SLC35A3: variants seen among roughly 807,000 people sequenced by gnomAD.
The protein encoded by SLC35A3 is solute carrier family 35 member A3.
SLC35A3 carries 26 observed loss-of-function variants against 39.0 expected under a neutral mutation model. That is an observed-to-expected ratio of 0.67 (90% CI 0.49 to 0.92). SLC35A3 has a LOEUF of 0.92. Among genes scored for constraint, SLC35A3 ranks in the 40% least tolerant of loss-of-function variants. The probability of loss-of-function intolerance (pLI) is 0.00; values close to 1 mark genes in which losing one functional copy is unlikely to be tolerated. For missense variants in SLC35A3, 299 were observed against 371.6 expected (o/e 0.80, Z 1.61); for synonymous variants, 135 against 133.1 (o/e 1.01, Z -0.10).
chr1:100,008,011 G>C (rs1322864831), intron 4 of SLC35A3: 1 of 150,438 alleles, frequency 6.6e-6, no homozygotes, highest in African/African-American at 2.5e-5. Context: ...GAAGGCAGTG[G>C]TACAATCTCA....
Position 100,035,199 on chromosome 1 carries a change from T to A in SLC35A3, c.*12723T>A, listed in dbSNP as rs1661432784. On this transcript the variant is annotated 3_prime_UTR_variant, in exon 8 of 8. Coordinates refer to ENST00000533028, the MANE Select transcript of SLC35A3 (RefSeq NM_012243.3). ...ATCCTCCCCATACATCATCTCTAGA[T>A]TATTTATAGTACTTAATACAATGTA... The A allele has an allele frequency of 6.6e-6, 1 of 152,194 alleles. No homozygotes were observed. The highest frequency in any genetic ancestry group is 1.5e-5 in the Non-Finnish European group (1 of 68,030). 9.4% of individuals were successfully genotyped at this position (152,194 alleles called of 1,614,324 possible).
Position 100,015,383 on chromosome 1 carries a change from G to T in SLC35A3, c.716G>T (p.Gly239Val). 1.9e-6 allele frequency: 3 copies of T among 1,612,948 alleles called. No homozygotes were observed. Among genetic ancestry groups the T allele is most frequent in the Non-Finnish European group, 2.5e-6 (3 of 1,179,612 alleles). The part of the protein sequence containing the change: ...ELVSKNGFFQ[G>V]YNRLTWIVVV... ...GTATCAAAGAATGGATTTTTTCAGG[G>T]ATATAACCGACTGACCTGGATAGTA... Residue 239 changes from glycine to valine, a missense_variant, in exon 6 of 8, where the codon GGA (glycine) becomes GTA (valine). Transcript: ENST00000533028.
chr1:99,974,657 T>C (rs1257614759), intron 1 of SLC35A3, among the ~76,000 whole-genome samples: 2 of 152,206 alleles, frequency 1.3e-5, no homozygotes, highest in African/African-American at 2.4e-5. Flanking sequence ...CTGCAAAGAC[T>C]GTGGGTTTTG....
At chr1:99,970,517 A>G in intron 1 of SLC35A3, 1 of 1,526,718 alleles carries the variant, frequency 6.5e-7, no homozygotes, top group African/African-American at 1.4e-5. Context: ...GGGGCCCGTC[A>G]TTCCTTCAGT....
rs1661085437 is a variant in SLC35A3, at chr1:100,029,140, C to T, written c.*6664C>T. 6.6e-6 allele frequency: 1 copy of T among 152,174 alleles called. No homozygotes were observed. Among genetic ancestry groups the T allele is most frequent in the Admixed American group, 6.6e-5 (1 of 15,258 alleles). 9.4% of individuals were successfully genotyped at this position (152,174 alleles called of 1,614,324 possible). A position where few individuals can be genotyped will look rare whatever the true frequency, so the allele number is the denominator to read the frequency against. On this transcript the variant is annotated 3_prime_UTR_variant, in exon 8 of 8. Coordinates refer to ENST00000533028, the MANE Select transcript of SLC35A3 (RefSeq NM_012243.3). ...TGATTTTTTTGCCCATGTAGTTGTC[C>T]TCTCTTTCCAACATCTGCCCCTCCC...
At chr1:99,982,579 G>C (rs1055602041) in intron 1 of SLC35A3, among the ~76,000 whole-genome samples, 1 of 151,994 alleles carries the variant, frequency 6.6e-6, no homozygotes, top group Admixed American at 6.6e-5. Context: ...AAAAATGAAG[G>C]TAACTAGTAT....
intron 6 of SLC35A3, 122 bp downstream of exon 6, chr1:100,015,542 C>T (rs1450471391): frequency 2.8e-6 from 3 of 1,056,502 alleles, no homozygotes; most frequent in East Asian, 5.8e-5. Flanking sequence ...GCTCTCGTAT[C>T]TAGTTTATTC....
rs1217917536 is a variant in SLC35A3, at chr1:100,027,986, G to A, written c.*5510G>A. 1 of 112,354 alleles carries A rather than the reference G, an allele frequency of 8.9e-6. No individual in the cohort carries two copies. The highest frequency in any genetic ancestry group is 1.6e-5 in the Non-Finnish European group (1 of 61,314). 7.0% of individuals were successfully genotyped at this position (112,354 alleles called of 1,614,324 possible). A position where few individuals can be genotyped will look rare whatever the true frequency, so the allele number is the denominator to read the frequency against. On this transcript the variant is annotated 3_prime_UTR_variant, in exon 8 of 8. Transcript: ENST00000533028. ...TTTTTTTGAGATGGTGTCTCGCTCT[G>A]TCACCTAGGCTGCAGTGGTGTGACC...
chr1:100,000,498 A>AT (rs1658694582), intron 3 of SLC35A3: 1 of 151,826 alleles, frequency 6.6e-6, no homozygotes, highest in African/African-American at 2.4e-5. Context: ...TAGTGCAAAT[A>AT]TTTTCTCCCA....
chr1:99,994,059 G>A (rs945034488), intron 2 of SLC35A3, among the ~76,000 whole-genome samples: 1 of 151,940 alleles, frequency 6.6e-6, no homozygotes, highest in African/African-American at 2.4e-5. Flanking sequence ...TTTTACTAAT[G>A]TAAACACCTT....
At position 100,032,399 on chromosome 1, in the gene SLC35A3, G is replaced by A. The variant is rs1661289034; in HGVS notation, c.*9923G>A. 6.6e-6 allele frequency: 1 copy of A among 151,352 alleles called. No individual in the cohort carries two copies. The highest frequency in any genetic ancestry group is 2.1e-4 in the South Asian group (1 of 4,802). 9.4% of individuals were successfully genotyped at this position (151,352 alleles called of 1,614,324 possible). A position where few individuals can be genotyped will look rare whatever the true frequency, so the allele number is the denominator to read the frequency against. On this transcript the variant is annotated 3_prime_UTR_variant, in exon 8 of 8. Transcript: ENST00000533028. ...AAATAAAAAAGTATATTTCCCTCCT[G>A]TTTCTCTAATATCCCTCTTTAAAAA...
chr1:99,974,059 CAG>C (rs1391955457), intron 1 of SLC35A3, among the ~76,000 whole-genome samples: 1 of 150,846 alleles, frequency 6.6e-6, no homozygotes, highest in African/African-American at 2.4e-5. Flanking sequence ...GAAGTCATGT[CAG>C]ATAAAATGCT....
chr1:100,020,619 CCTATA>C (rs1660466842), intron 7 of SLC35A3, among the ~76,000 whole-genome samples: 1 of 152,048 alleles, frequency 6.6e-6, no homozygotes, highest in African/African-American at 2.4e-5. Flanking sequence ...TACTGAGCTC[CCTATA>C]TATGCTAGGC....
intron 1 of SLC35A3, among the ~76,000 whole-genome samples, chr1:99,972,306 C>CT (rs1404091183): frequency 6.6e-6 from 1 of 151,062 alleles, no homozygotes; most frequent in East Asian, 1.9e-4. Flanking sequence ...TGTAAGCTTC[C>CT]TAAGGAAAGC....
chr1:100,011,406 T>C lies in SLC35A3; in HGVS notation c.507T>C (p.Ala169=). 6.4e-7 allele frequency: 1 copy of C among 1,572,524 alleles called. No homozygotes were observed. The highest frequency in any genetic ancestry group is 8.7e-7 in the Non-Finnish European group (1 of 1,155,622). The change falls in exon 5 of 8, where the codon GCT becomes GCC. Residue 169 remains alanine, a synonymous_variant. Transcript: ENST00000533028. ...DSQLDSKELS[A]GSQFVGLMAV... ...AGCTTGATTCTAAGGAACTTTCAGC[T>C]GGTTCTCAATTTGTAGGACTCATGG...
chr1:99,983,370 T>C (rs1657566257), intron 1 of SLC35A3, among the ~76,000 whole-genome samples: 1 of 151,660 alleles, frequency 6.6e-6, no homozygotes, highest in Non-Finnish European at 1.5e-5. Context: ...AAACCCCGTC[T>C]CTACTAAAAA....
chr1:99,982,661 T>G (rs1372427912), intron 1 of SLC35A3, among the ~76,000 whole-genome samples: 1 of 152,166 alleles, frequency 6.6e-6, no homozygotes, highest in Admixed American at 6.5e-5. Flanking sequence ...AAATAATTAC[T>G]GAAAATATCT....
Position 100,025,451 on chromosome 1 carries a change from G to A in SLC35A3, c.*2975G>A, listed in dbSNP as rs1489009774. Reference sequence around the variant, plus strand: ...ACAATTTTCAAAATTCCTAATGAAAGTTATAAAAATGTAAACAAGAATTGT... The same window carrying A: ...ACAATTTTCAAAATTCCTAATGAAAATTATAAAAATGTAAACAAGAATTGT... On this transcript the variant is annotated 3_prime_UTR_variant, in exon 8 of 8. Coordinates refer to ENST00000533028, the MANE Select transcript of SLC35A3 (RefSeq NM_012243.3). 1 of 152,130 alleles carries A rather than the reference G, an allele frequency of 6.6e-6. No individual in the cohort carries two copies. Among genetic ancestry groups the A allele is most frequent in the Non-Finnish European group, 1.5e-5 (1 of 68,006 alleles). 9.4% of individuals were successfully genotyped at this position (152,130 alleles called of 1,614,324 possible). A position where few individuals can be genotyped will look rare whatever the true frequency, so the allele number is the denominator to read the frequency against.
chr1:100,008,500 G>A (rs1009893987), intron 4 of SLC35A3: 8 of 152,194 alleles, frequency 5.3e-5, no homozygotes, highest in Non-Finnish European at 1.5e-5. Context: ...TGATTAGTGT[G>A]ACACACTGGA....
Sources: allele counts gnomAD v4.1 joint callset (sites outside exome capture counted in the v4.1 genomes callset), GRCh38; gene constraint gnomAD v4.1.1; transcripts MANE v1.5; gene names NCBI Gene and HGNC (gene_info 2026-07-23, HGNC 2026-07-21).